Variants in UBE2E1 observed in about 807,000 individuals in gnomAD.
UBE2E1 encodes the protein ubiquitin conjugating enzyme E2 E1.
A neutral mutation model predicts 21.4 loss-of-function variants in UBE2E1; 6 were observed. That is an observed-to-expected ratio of 0.28 (90% CI 0.15 to 0.55). The LOEUF (loss-of-function observed/expected upper bound fraction) is 0.55, where lower values mean the gene tolerates loss of function less well. Ranked by LOEUF, UBE2E1 falls within the 20% of genes least tolerant of loss-of-function variation. UBE2E1 has a pLI of 0.93. For synonymous variants in UBE2E1, 87 were observed against 82.7 expected, an observed-to-expected ratio of 1.05 and a Z score of -0.28; for missense variants, 142 against 236.5, an observed-to-expected ratio of 0.60 and a Z score of 2.62.
At chr3:23,879,328 T>C (rs1700984018) in intron 3 of UBE2E1, 2 of 738,442 alleles carry the variant, frequency 2.7e-6, no homozygotes, top group African/African-American at 1.8e-5. Context: ...ACCTTAATTT[T>C]CTCCGTGTTA....
chr3:23,808,427 A>G lies in UBE2E1; in HGVS notation c.152+1006A>G, dbSNP rs1699321687. 6.6e-6 allele frequency among the ~76,000 whole-genome samples: 1 copy of G among 152,186 alleles called. No individual in the cohort carries two copies. Among genetic ancestry groups the G allele is most frequent in the South Asian group, 2.1e-4 (1 of 4,834 alleles). ...AAAGGTGGCAAACCAGGAAGATAGT[A>G]AGAACTCCAAATGATGGGATAGGGA... On this transcript the variant is annotated intron_variant, in intron 2 of 5. Coordinates refer to ENST00000306627, the MANE Select transcript of UBE2E1 (RefSeq NM_003341.5). This position sits in a 1 kb window ranked among gnomAD's most constrained non-coding sequence, Gnocchi z 4.9.
intron 4 of UBE2E1, 78 bp from the exon 5 acceptor site, chr3:23,889,034 C>CT: frequency 6.9e-7 from 1 of 1,457,456 alleles, no homozygotes; most frequent in Non-Finnish European, 9.2e-7. Context: ...TAGTCACCTT[C>CT]TTAAGGGTCA....
intron 3 of UBE2E1, among the ~76,000 whole-genome samples, chr3:23,879,963 T>C (rs956631969): frequency 2.0e-5 from 3 of 152,254 alleles, no homozygotes; most frequent in Non-Finnish European, 2.9e-5. Flanking sequence ...AAATTGATTC[T>C]GGCCAGGCAC....
intron 3 of UBE2E1, among the ~76,000 whole-genome samples, chr3:23,868,501 G>C (rs1700704650): frequency 6.6e-6 from 1 of 152,068 alleles, no homozygotes; most frequent in Admixed American, 6.5e-5. Flanking sequence ...TAGAGATGGG[G>C]TTTCACCATA....
intron 3 of UBE2E1, among the ~76,000 whole-genome samples, chr3:23,875,596 T>C (rs1364524655): frequency 6.6e-6 from 1 of 152,230 alleles, no homozygotes; most frequent in Non-Finnish European, 1.5e-5. Context: ...GTAGGCACCA[T>C]TTCCTCAGTG....
intron 3 of UBE2E1, among the ~76,000 whole-genome samples, chr3:23,814,069 G>A (rs1699459042): frequency 6.6e-6 from 1 of 152,018 alleles, no homozygotes; most frequent in South Asian, 2.1e-4. Context: ...ATGGCACTTG[G>A]CACATAGTAA....
At position 23,842,198 on chromosome 3, in the gene UBE2E1, G is replaced by GGGGGGTGTGTGTGTGT. The variant is rs1553637704; in HGVS notation, c.203+30689_203+30690insGGGGTGTGTGTGTGTG. On this transcript the variant is annotated intron_variant, in intron 3 of 5. Transcript: ENST00000306627. The surrounding 1 kb of genome is among the most constrained non-coding windows in gnomAD (Gnocchi z 4.6). Reference sequence around the variant, plus strand: ...TATGTCATGACCCAGTAAGTGAAGGGGTGTGTGTGTGTGTGTGTGTGTGTG... The same window carrying GGGGGGTGTGTGTGTGT: ...TATGTCATGACCCAGTAAGTGAAGGGGGGGGTGTGTGTGTGTGTGTGTGTGTGTGTGTGTGTGTGTG... Among the ~76,000 whole-genome samples the GGGGGGTGTGTGTGTGT allele has an allele frequency of 3.7e-4, 39 of 104,356 alleles. No individual in the cohort carries two copies. The highest frequency in any genetic ancestry group is 1.3e-3 in the African/African-American group (37 of 27,700). The allele number at this position is 104,356 out of a possible 152,430, so 68.5% of individuals were successfully genotyped here. A position where few individuals can be genotyped will look rare whatever the true frequency, so the allele number is the denominator to read the frequency against.
rs1699689408 is a variant in UBE2E1 at position 23,823,530 on chromosome 3, G to A, written c.203+12020G>A. On this transcript the variant is annotated intron_variant, in intron 3 of 5. Coordinates refer to ENST00000306627, the MANE Select transcript of UBE2E1 (RefSeq NM_003341.5). This position sits in a 1 kb window ranked among gnomAD's most constrained non-coding sequence, Gnocchi z 4.2. ...TTACAACCTTTCCTCCTCTATGGGG[G>A]TACATCTCAATTTTTAAGTTAATAT... is the stretch of plus-strand genomic sequence containing the variant. Among the ~76,000 whole-genome samples, 1 of 152,094 alleles carries A rather than the reference G, an allele frequency of 6.6e-6. No individual in the cohort carries two copies. The highest frequency in any genetic ancestry group is 1.5e-5 in the Non-Finnish European group (1 of 68,028).
intron 3 of UBE2E1, among the ~76,000 whole-genome samples, chr3:23,865,656 CATGTTTGT>C (rs1465998932): frequency 1.6e-4 from 24 of 152,196 alleles, no homozygotes; most frequent in African/African-American, 5.5e-4. Context: ...TGGAATAGGA[CATGTTTGT>C]AAGTCAGCAC....
In UBE2E1 at chr3:23,890,676, C is replaced by T. The variant is rs1701390092; in HGVS notation, c.*70C>T. 10 of 1,144,498 alleles carry T rather than the reference C, an allele frequency of 8.7e-6. No individual in the cohort carries two copies. The South Asian group carries it at 1.4e-4, about 16-fold the overall frequency. The allele number at this position is 1,144,498 out of a possible 1,614,324, so 70.9% of individuals were successfully genotyped here. ...GAGCTGCTTATGATTTTGAAGGGGT[C>T]AGGGAGGGTGGGAGTTGGTAAAGAG... On this transcript the variant is annotated 3_prime_UTR_variant, in exon 6 of 6. Coordinates refer to ENST00000306627, the MANE Select transcript of UBE2E1 (RefSeq NM_003341.5).
At chr3:23,837,763 A>G (rs62255310) in intron 3 of UBE2E1, among the ~76,000 whole-genome samples, 4 of 152,230 alleles carry the variant, frequency 2.6e-5, no homozygotes, top group Non-Finnish European at 5.9e-5. Flanking sequence ...TTGTTTGAGA[A>G]GCAGCGTTTT....
chr3:23,821,276 G>A (rs553829374), intron 3 of UBE2E1, among the ~76,000 whole-genome samples: 191 of 152,284 alleles, frequency 1.3e-3, no homozygotes, highest in Non-Finnish European at 1.9e-3. Context: ...ACCTAGAGAA[G>A]CCTTACAAAG....
chr3:23,885,873 A>G (rs1396412648), intron 3 of UBE2E1, among the ~76,000 whole-genome samples: 1 of 151,634 alleles, frequency 6.6e-6, no homozygotes, highest in Non-Finnish European at 1.5e-5. Flanking sequence ...AAAACAAACA[A>G]AAAAAACAAA....
intron 3 of UBE2E1, among the ~76,000 whole-genome samples, chr3:23,855,373 T>G (rs1395466349): frequency 1.3e-5 from 2 of 152,254 alleles, no homozygotes; most frequent in Non-Finnish European, 2.9e-5. Flanking sequence ...GATTTTACTA[T>G]GTTAATTTTA....
rs1244664840 is a variant in UBE2E1, at chr3:23,842,236, TGTGTGTGTGTGTG to T, written c.203+30731_203+30743del. ...GTGTGTGTGTGTGTGTGTGTGTGTG[TGTGTGTGTGTGTG>T]GTGTTGTTGTTGTTGGCGACAGGGT... is the stretch of plus-strand genomic sequence containing the variant. On this transcript the variant is annotated intron_variant, in intron 3 of 5. Transcript: ENST00000306627. The surrounding 1 kb of genome is among the most constrained non-coding windows in gnomAD (Gnocchi z 4.6). 1.4e-5 allele frequency among the ~76,000 whole-genome samples: 1 copy of T among 73,926 alleles called. No individual in the cohort carries two copies. Among genetic ancestry groups the T allele is most frequent in the South Asian group, 5.1e-4 (1 of 1,966 alleles). 48.5% of individuals were successfully genotyped at this position (73,926 alleles called of 152,430 possible). A position where few individuals can be genotyped will look rare whatever the true frequency, so the allele number is the denominator to read the frequency against.
In UBE2E1 at chr3:23,876,337, T is replaced by A. The variant is rs1303402602; in HGVS notation, c.204-11230T>A. Among the ~76,000 whole-genome samples the A allele has an allele frequency of 1.3e-5, 2 of 152,232 alleles. No individual in the cohort carries two copies. Among genetic ancestry groups the A allele is most frequent in the Admixed American group, 1.3e-4 (2 of 15,278 alleles). ...TGTTAGTTTCTTTAGTAAAGTTTTC[T>A]CATTTTTCAAGTTCCTTCTGCCACT... is the stretch of plus-strand genomic sequence containing the variant. On this transcript the variant is annotated intron_variant, in intron 3 of 5. Coordinates refer to ENST00000306627, the MANE Select transcript of UBE2E1 (RefSeq NM_003341.5). This position sits in a 1 kb window ranked among gnomAD's most constrained non-coding sequence, Gnocchi z 4.3.
At chr3:23,886,694 T>G (rs966959166) in intron 3 of UBE2E1, among the ~76,000 whole-genome samples, 4 of 152,230 alleles carry the variant, frequency 2.6e-5, no homozygotes, top group African/African-American at 9.6e-5. Context: ...TTGTAACCAG[T>G]TAGCAGAGGG....
At chr3:23,879,387 A>G in intron 3 of UBE2E1, 2 of 535,054 alleles carry the variant, frequency 3.7e-6, no homozygotes, top group Non-Finnish European at 7.3e-6. Context: ...TGCAGCCTGT[A>G]TAAGACAGTT....
chr3:23,824,421 C>T (rs1699709753), intron 3 of UBE2E1, among the ~76,000 whole-genome samples: 1 of 152,156 alleles, frequency 6.6e-6, no homozygotes, highest in Non-Finnish European at 1.5e-5. Context: ...ATGACTGGTA[C>T]TATGTTTTAC....
Sources: gnomAD v4.1 joint callset for allele counts (sites outside exome capture counted in the v4.1 genomes callset) on GRCh38, gnomAD v4.1.1 for gene constraint, Gnocchi (gnomAD v3.1) non-coding constraint, MANE v1.5 for transcripts, NCBI Gene and HGNC (gene_info 2026-07-23, HGNC 2026-07-21) for gene names.